EDIL3: variants seen among roughly 807,000 people sequenced by gnomAD.
The protein encoded by EDIL3 is EGF like and discoidin domains 3, also known as EGF-like repeat and discoidin I-like domain-containing protein 3.
A neutral mutation model predicts 67.4 loss-of-function variants in EDIL3; 37 were observed. The ratio of observed to expected loss-of-function variants is 0.55; its 90% CI spans 0.42 to 0.72. The LOEUF (loss-of-function observed/expected upper bound fraction) is 0.72. EDIL3 is among the 30% of genes least tolerant of loss of function. The probability of loss-of-function intolerance (pLI) is 0.00; values close to 1 mark genes in which losing one functional copy is unlikely to be tolerated. For synonymous variants in EDIL3, 195 were observed against 196.3 expected (o/e 0.99, Z 0.05); for missense variants, 527 against 586.3 (o/e 0.90, Z 1.04).
chr5:84,352,680 AT>A (rs1747384645), intron 1 of EDIL3, among the ~76,000 whole-genome samples: 1 of 152,124 alleles, frequency 6.6e-6, no homozygotes, highest in Non-Finnish European at 1.5e-5. Context: ...AATACCATCT[AT>A]TGGGAGCAAT....
At chr5:84,272,544 T>C (rs1745498331) in intron 1 of EDIL3, among the ~76,000 whole-genome samples, 1 of 152,140 alleles carries the variant, frequency 6.6e-6, no homozygotes, top group African/African-American at 2.4e-5. Flanking sequence ...TATGCACATA[T>C]ATAATTCATT....
At chr5:84,187,651 C>A (rs1743493253) in intron 3 of EDIL3, among the ~76,000 whole-genome samples, 1 of 152,034 alleles carries the variant, frequency 6.6e-6, no homozygotes, top group South Asian at 2.1e-4. Context: ...GTGTTAAGAA[C>A]ATATCGAAGT....
chr5:84,141,906 C>CATATATATATATATAT (rs1178660927), intron 4 of EDIL3, among the ~76,000 whole-genome samples: 6 of 96,858 alleles, frequency 6.2e-5, no homozygotes, highest in African/African-American at 2.2e-4. Flanking sequence ...ACAAACTACT[C>CATATATATATATATAT]ATATATATAT....
intron 10 of EDIL3, among the ~76,000 whole-genome samples, chr5:83,959,113 T>A (rs1744562908): frequency 6.6e-6 from 1 of 150,612 alleles, no homozygotes. Context: ...GAGTATTATT[T>A]TTCTTCAGTT....
At chr5:83,978,397 A>G (rs1351800317) in intron 9 of EDIL3, among the ~76,000 whole-genome samples, 1 of 151,980 alleles carries the variant, frequency 6.6e-6, no homozygotes, top group Non-Finnish European at 1.5e-5. Context: ...CATAAATGAG[A>G]AGCCTCAATG....
At chr5:84,007,298 C>G (rs148357680) in intron 9 of EDIL3, among the ~76,000 whole-genome samples, 1 of 152,248 alleles carries the variant, frequency 6.6e-6, no homozygotes, top group East Asian at 1.9e-4. Flanking sequence ...TAAAAAGCTT[C>G]TGTACAGCAA....
intron 3 of EDIL3, among the ~76,000 whole-genome samples, chr5:84,192,873 C>T (rs1292529152): frequency 6.6e-6 from 1 of 151,848 alleles, no homozygotes; most frequent in Non-Finnish European, 1.5e-5. Context: ...CCCCAATAAC[C>T]TATTAATAAG....
intron 6 of EDIL3, 58 bp from the exon 7 acceptor site, chr5:84,066,664 A>C: frequency 3.8e-6 from 6 of 1,559,126 alleles, no homozygotes; most frequent in South Asian, 3.8e-5. Flanking sequence ...ACAATACTGA[A>C]AATACGAATT....
At chr5:84,231,024 T>A (rs1026673404) in intron 2 of EDIL3, among the ~76,000 whole-genome samples, 3 of 152,174 alleles carry the variant, frequency 2.0e-5, no homozygotes, top group Non-Finnish European at 4.4e-5. Flanking sequence ...TATATTAGAA[T>A]TCCAAATTCT....
chr5:83,959,924 C>T (rs1744577640), intron 10 of EDIL3, among the ~76,000 whole-genome samples: 1 of 150,898 alleles, frequency 6.6e-6, no homozygotes, highest in African/African-American at 2.4e-5. Flanking sequence ...GTTTAAATAA[C>T]TTAGGCAATA....
chr5:83,998,203 C>A (rs1745266964), intron 9 of EDIL3, among the ~76,000 whole-genome samples: 2 of 152,148 alleles, frequency 1.3e-5, no homozygotes, highest in South Asian at 4.1e-4. Flanking sequence ...CCAGGCAGTG[C>A]AGCTCAAAGC....
At chr5:84,288,380 T>A (rs1460407213) in intron 1 of EDIL3, among the ~76,000 whole-genome samples, 2 of 152,170 alleles carry the variant, frequency 1.3e-5, no homozygotes, top group African/African-American at 4.8e-5. Context: ...GTTTTCACTA[T>A]CTTCTCAACA....
Position 84,221,556 on chromosome 5 carries a change from T to C in EDIL3, c.226+8299A>G, listed in dbSNP as rs537245660. On this transcript the variant is annotated intron_variant, in intron 3 of 10. Coordinates refer to ENST00000296591, the MANE Select transcript of EDIL3 (RefSeq NM_005711.5). ...TCACACACCTATCAAAAAGGAAGTTTAATTTTTAAAAAAAGGAAACGTAAG... is the reference window on the plus strand; with the variant it reads ...TCACACACCTATCAAAAAGGAAGTTCAATTTTTAAAAAAAGGAAACGTAAG... Among the ~76,000 whole-genome samples, 494 of 132,354 alleles carry C rather than the reference T, an allele frequency of 3.7e-3. 1 individual carries two copies. Among genetic ancestry groups the C allele is most frequent in the Non-Finnish European group, 5.2e-3 (325 of 62,338 alleles). The allele number at this position is 132,354 out of a possible 152,430, so 86.8% of individuals were successfully genotyped here. A position where few individuals can be genotyped will look rare whatever the true frequency, so the allele number is the denominator to read the frequency against.
chr5:84,259,249 A>G (rs1745180488), intron 1 of EDIL3, among the ~76,000 whole-genome samples: 1 of 152,060 alleles, frequency 6.6e-6, no homozygotes, highest in South Asian at 2.1e-4. Context: ...GTGAGCCACC[A>G]CACCTGGTCT....
intron 9 of EDIL3, among the ~76,000 whole-genome samples, chr5:83,980,273 T>C (rs1290508811): frequency 6.6e-6 from 1 of 151,898 alleles, no homozygotes; most frequent in African/African-American, 2.4e-5. Flanking sequence ...ATGGGCCCTT[T>C]GGCTGAAACA....
intron 9 of EDIL3, among the ~76,000 whole-genome samples, chr5:83,970,158 T>C (rs1258484382): frequency 2.6e-5 from 4 of 151,312 alleles, no homozygotes; most frequent in Non-Finnish European, 5.9e-5. Context: ...TTTCTGTATA[T>C]TTTTGACAAT....
intron 1 of EDIL3, among the ~76,000 whole-genome samples, chr5:84,382,309 AGCTGT>A (rs1354154884): frequency 4.6e-5 from 7 of 152,184 alleles, no homozygotes; most frequent in Non-Finnish European, 1.0e-4. Flanking sequence ...TGGCGGAGTA[AGCTGT>A]GCCCTCGGCG....
intron 1 of EDIL3, among the ~76,000 whole-genome samples, chr5:84,344,816 C>T (rs1260541443): frequency 6.6e-6 from 1 of 151,970 alleles, no homozygotes; most frequent in Admixed American, 6.6e-5. Context: ...TGTTATATTT[C>T]TAATAAATGG....
chr5:84,337,276 G>A (rs1226071840), intron 1 of EDIL3, among the ~76,000 whole-genome samples: 1 of 152,140 alleles, frequency 6.6e-6, no homozygotes, highest in Non-Finnish European at 1.5e-5. Flanking sequence ...CTCTTTATCT[G>A]TTGTATCTTA....
Sources: gnomAD v4.1 joint callset for allele counts (sites outside exome capture counted in the v4.1 genomes callset) on GRCh38, gnomAD v4.1.1 for gene constraint, MANE v1.5 for transcripts, NCBI Gene and HGNC (gene_info 2026-07-23, HGNC 2026-07-21) for gene names.